The following UGGT2 variants were observed in gnomAD, a reference collection of about 807,000 sequenced individuals.
UGGT2 encodes the protein UDP-glucose glycoprotein glucosyltransferase 2, also known as UDP-glucose:glycoprotein glucosyltransferase 2.
In UGGT2, 180 loss-of-function variants were observed where a neutral mutation model predicts 192.1. The observed-to-expected ratio is 0.94, with a 90% confidence interval of 0.83 to 1.06. The LOEUF (loss-of-function observed/expected upper bound fraction) is 1.06, where lower values mean the gene tolerates loss of function less well. UGGT2 is among the 50% of genes least tolerant of loss of function. The pLI, the probability that UGGT2 is intolerant of heterozygous loss-of-function variation, is 0.00. For missense variants in UGGT2, 1,849 were observed against 1,795.7 expected (o/e 1.03, Z -0.54); for synonymous variants, 580 against 591.0 (o/e 0.98, Z 0.27).
At chr13:95,853,303 G>A (rs1475746798) in intron 36 of UGGT2, among the ~76,000 whole-genome samples, 1 of 152,114 alleles carries the variant, frequency 6.6e-6, no homozygotes, top group Non-Finnish European at 1.5e-5. Context: ...CTAAAACAGG[G>A]CATAAAGTAG....
chr13:95,938,252 A>T (rs892658685), intron 16 of UGGT2, among the ~76,000 whole-genome samples: 1 of 152,124 alleles, frequency 6.6e-6, no homozygotes, highest in African/African-American at 2.4e-5. Flanking sequence ...AATATGGGGG[A>T]CAGCTGTCAG....
chr13:95,996,777 A>C (rs1029804242), intron 6 of UGGT2, among the ~76,000 whole-genome samples: 1 of 152,194 alleles, frequency 6.6e-6, no homozygotes, highest in African/African-American at 2.4e-5. Flanking sequence ...GGAGGTCCAA[A>C]CCCTAAGTTT....
chr13:96,032,117 A>AT (rs2052854704), intron 1 of UGGT2, 146 bp from the exon 2 acceptor site: 2 of 531,124 alleles, frequency 3.8e-6, no homozygotes. Context: ...TCCATTTACT[A>AT]TAACACTGGA....
intron 17 of UGGT2, among the ~76,000 whole-genome samples, chr13:95,930,195 T>C (rs771079262): frequency 1.4e-4 from 21 of 152,330 alleles, no homozygotes; most frequent in Non-Finnish European, 2.4e-4. Context: ...ATACAGTTTG[T>C]GAATATTTTC....
intron 8 of UGGT2, among the ~76,000 whole-genome samples, chr13:95,987,420 T>C (rs2051323036): frequency 6.6e-6 from 1 of 152,158 alleles, no homozygotes; most frequent in African/African-American, 2.4e-5. Flanking sequence ...CTATGCATAC[T>C]CTTTGCTTAA....
At chr13:95,926,792 TA>T (rs1185754148) in intron 19 of UGGT2, among the ~76,000 whole-genome samples, 2 of 152,122 alleles carry the variant, frequency 1.3e-5, no homozygotes, top group Non-Finnish European at 2.9e-5. Flanking sequence ...ATTCTTTTCT[TA>T]AAAAGGTGAA....
At chr13:96,051,589 C>G (rs947426390) in intron 1 of UGGT2, among the ~76,000 whole-genome samples, 1 of 151,690 alleles carries the variant, frequency 6.6e-6, no homozygotes, top group Non-Finnish European at 1.5e-5. Flanking sequence ...ACAATCTATA[C>G]ATCTGAAAAA....
At chr13:95,914,143 T>C (rs922405283) in intron 20 of UGGT2, among the ~76,000 whole-genome samples, 2 of 151,896 alleles carry the variant, frequency 1.3e-5, no homozygotes, top group Non-Finnish European at 2.9e-5. Context: ...ACATACCTAA[T>C]GTAAATGATG....
intron 23 of UGGT2, 48 bp from the exon 24 acceptor site, chr13:95,894,705 A>G (rs368945581): frequency 1.8e-5 from 26 of 1,456,828 alleles, no homozygotes; most frequent in Admixed American, 3.6e-5. Flanking sequence ...AAAGAGTTCC[A>G]TATTTCATGT....
chr13:95,969,605 G>A (rs1046666974), intron 12 of UGGT2, among the ~76,000 whole-genome samples: 1 of 152,194 alleles, frequency 6.6e-6, no homozygotes, highest in Non-Finnish European at 1.5e-5. Context: ...TCTAAGAAAT[G>A]AAAGGTGACA....
rs1555346762 is a variant in UGGT2, at chr13:95,884,084, A to AAAC, written c.3228+404_3228+406dup. Among the ~76,000 whole-genome samples, 728 of 132,080 alleles carry AAAC rather than the reference A, an allele frequency of 5.5e-3. 18 individuals are homozygous for AAAC. Among genetic ancestry groups the AAAC allele is most frequent in the African/African-American group, 0.017 (643 of 36,886 alleles). The allele number at this position is 132,080 out of a possible 152,430, so 86.6% of individuals were successfully genotyped here. The stretch of plus-strand genomic sequence containing the variant: ...TGAGGCCAAAAAAAAAAAAAAAAAA[A>AAAC]AACCAACAACAACAAAACAATTTTG... On this transcript the variant is annotated intron_variant, in intron 27 of 38. Transcript: ENST00000376747.
At chr13:95,953,751 G>A (rs2050135292) in intron 12 of UGGT2, among the ~76,000 whole-genome samples, 2 of 151,996 alleles carry the variant, frequency 1.3e-5, no homozygotes, top group South Asian at 4.2e-4. Context: ...TTGGTGAATA[G>A]GCCGTTCCAC....
At chr13:95,823,184 T>C (rs1885675180) in intron 38 of UGGT2, among the ~76,000 whole-genome samples, 1 of 152,130 alleles carries the variant, frequency 6.6e-6, no homozygotes, top group African/African-American at 2.4e-5. Context: ...CTTAAATTTA[T>C]TGAGACTTGT....
rs1347801919 is a variant in UGGT2 at position 95,937,053 on chromosome 13, A to C, written c.1848T>G (p.Gly616=). 6.2e-7 allele frequency: 1 copy of C among 1,601,820 alleles called. No individual in the cohort carries two copies. The highest frequency in any genetic ancestry group is 8.5e-7 in the Non-Finnish European group (1 of 1,177,440). ...GASFYKMTGL[G]PLPQALYNGE... ...CATTATAAAGAGCTTGAGGCAAAGG[A>C]CCCAGGCCAGTCATCTTATAAAAGC... is the stretch of plus-strand genomic sequence containing the variant. Residue 616 remains glycine, a synonymous_variant, in exon 17 of 39, where the codon GGT becomes GGG. Transcript: ENST00000376747.
chr13:95,895,334 T>G, intron 22 of UGGT2, 30 bp from the exon 23 acceptor site: 1 of 1,288,056 alleles, frequency 7.8e-7, no homozygotes, highest in Non-Finnish European at 1.1e-6. Context: ...TATTATCATA[T>G]ATCTTCTAGA....
intron 12 of UGGT2, among the ~76,000 whole-genome samples, chr13:95,951,269 TATA>T (rs1236942852): frequency 2.8e-4 from 42 of 152,256 alleles, no homozygotes; most frequent in African/African-American, 9.1e-4. Context: ...AATTCAAAAG[TATA>T]ATAATTGAAA....
intron 4 of UGGT2, among the ~76,000 whole-genome samples, 191 bp downstream of exon 4, chr13:96,022,849 C>T (rs2052555300): frequency 6.6e-6 from 1 of 151,922 alleles, no homozygotes; most frequent in African/African-American, 2.4e-5. Context: ...TATTTTGGCA[C>T]AATTTATATG....
At chr13:95,921,206 T>C (rs1450084446) in intron 20 of UGGT2, among the ~76,000 whole-genome samples, 2 of 151,164 alleles carry the variant, frequency 1.3e-5, no homozygotes, top group African/African-American at 4.9e-5. Flanking sequence ...GTAGGGGGTG[T>C]GGGGAGGGAG....
chr13:95,934,431 A>C (rs1484814943), intron 17 of UGGT2, among the ~76,000 whole-genome samples: 1 of 152,230 alleles, frequency 6.6e-6, no homozygotes, highest in Non-Finnish European at 1.5e-5. Context: ...CTGCCTCGAT[A>C]ATCTGTCTAA....
Sources: gnomAD v4.1 joint callset for allele counts (sites outside exome capture counted in the v4.1 genomes callset) on GRCh38, gnomAD v4.1.1 for gene constraint, MANE v1.5 for transcripts, NCBI Gene and HGNC (gene_info 2026-07-23, HGNC 2026-07-21) for gene names.